Variants in MKLN1 observed in about 807,000 individuals in gnomAD.
The protein encoded by MKLN1 is muskelin.
MKLN1 carries 18 observed loss-of-function variants against 99.0 expected under a neutral mutation model. The observed-to-expected ratio is 0.18, with a 90% CI of 0.13 to 0.27. MKLN1 has a LOEUF of 0.27. MKLN1 is among the 10% of genes least tolerant of loss of function. The pLI is 1.00. For missense variants in MKLN1, 621 were observed against 875.9 expected (o/e 0.71, Z 3.67); for synonymous variants, 288 against 293.2 (o/e 0.98, Z 0.18).
chr7:131,354,014 T>C (rs1436473692), intron 1 of MKLN1, among the ~76,000 whole-genome samples: 1 of 152,000 alleles, frequency 6.6e-6, no homozygotes, highest in Non-Finnish European at 1.5e-5. Flanking sequence ...TTATACTTTA[T>C]TGATTATGCA....
chr7:131,195,145 C>A (rs1796622477), intron 2 of MKLN1, among the ~76,000 whole-genome samples: 1 of 152,184 alleles, frequency 6.6e-6, no homozygotes, highest in Non-Finnish European at 1.5e-5. Flanking sequence ...GGAGATCTGG[C>A]ACCCCATTTA....
intron 2 of MKLN1, among the ~76,000 whole-genome samples, chr7:131,202,104 T>A (rs1449867008): frequency 6.7e-6 from 1 of 149,580 alleles, no homozygotes; most frequent in East Asian, 2.0e-4. Flanking sequence ...TTGCTCTAAC[T>A]AATATATCTT....
chr7:131,287,229 A>G (rs560691745), intron 3 of MKLN1, among the ~76,000 whole-genome samples: 155 of 152,378 alleles, frequency 1.0e-3, no homozygotes, highest in Non-Finnish European at 1.9e-3. Flanking sequence ...GTTATTCTCC[A>G]TCTGGCTCCT....
At position 131,350,417 on chromosome 7, in the gene MKLN1, A is replaced by T. The variant is rs1799686608; in HGVS notation, c.98+22420A>T. Among the ~76,000 whole-genome samples, 5 of 152,262 alleles carry T rather than the reference A, an allele frequency of 3.3e-5. 1 individual carries two copies. The South Asian group carries it at 1.0e-3, about 32-fold the overall frequency. On this transcript the variant is annotated intron_variant, in intron 1 of 17. Transcript: ENST00000352689. ...CAAACTTAGCAGCTTAAAACAATACACAATTTATTTTCTCAATGAGGGTCC... is the reference window on the plus strand; with the variant it reads ...CAAACTTAGCAGCTTAAAACAATACTCAATTTATTTTCTCAATGAGGGTCC...
At chr7:131,430,283 A>G (rs1795484960) in intron 9 of MKLN1, among the ~76,000 whole-genome samples, 1 of 152,026 alleles carries the variant, frequency 6.6e-6, no homozygotes, top group African/African-American at 2.4e-5. Context: ...ATGTTAATAA[A>G]AACTGTCCAG....
chr7:131,249,537 G>A (rs1219683722), intron 3 of MKLN1, among the ~76,000 whole-genome samples: 1 of 152,212 alleles, frequency 6.6e-6, no homozygotes, highest in African/African-American at 2.4e-5. Context: ...CTGGAGGCTG[G>A]TATATTCCTT....
intron 1 of MKLN1, among the ~76,000 whole-genome samples, chr7:131,371,765 C>CATATATATATATATATAT (rs149627807): frequency 3.4e-5 from 5 of 147,722 alleles, no homozygotes; most frequent in African/African-American, 1.2e-4. Context: ...ACATATATAA[C>CATATATATATATATATAT]ATATATATAT....
intron 3 of MKLN1, among the ~76,000 whole-genome samples, chr7:131,246,391 A>G (rs1035297170): frequency 6.6e-6 from 1 of 152,192 alleles, no homozygotes; most frequent in African/African-American, 2.4e-5. Flanking sequence ...GGGCCCATAA[A>G]GCTTCACCCT....
At chr7:131,352,192 G>A (rs964475183) in intron 1 of MKLN1, among the ~76,000 whole-genome samples, 3 of 152,126 alleles carry the variant, frequency 2.0e-5, no homozygotes, top group Non-Finnish European at 2.9e-5. Flanking sequence ...GTCATTATTT[G>A]TGATGCCAGA....
chr7:131,361,949 A>G (rs2116804127), intron 1 of MKLN1, among the ~76,000 whole-genome samples: 1 of 152,104 alleles, frequency 6.6e-6, no homozygotes, highest in African/African-American at 2.4e-5. Flanking sequence ...AGCTTCTCAA[A>G]TCATTTCTTC....
intron 1 of MKLN1, among the ~76,000 whole-genome samples, chr7:131,138,011 C>T (rs1476185679): frequency 6.6e-6 from 1 of 151,582 alleles, no homozygotes; most frequent in Non-Finnish European, 1.5e-5. Context: ...CCGCAACCTC[C>T]GCCTCCCGGG....
intron 1 of MKLN1, among the ~76,000 whole-genome samples, chr7:131,339,983 T>C (rs181976832): frequency 2.0e-5 from 3 of 152,276 alleles, no homozygotes; most frequent in African/African-American, 7.2e-5. Context: ...AGTTGTCTTA[T>C]ATACATAGAA....
chr7:131,118,294 C>A (rs1429233406), intron 1 of MKLN1, among the ~76,000 whole-genome samples: 1 of 152,158 alleles, frequency 6.6e-6, no homozygotes, highest in South Asian at 2.1e-4. Context: ...TGGCTCATGC[C>A]TGTAATCCCA....
intron 2 of MKLN1, among the ~76,000 whole-genome samples, chr7:131,158,728 T>C (rs749505321): frequency 2.0e-5 from 3 of 152,198 alleles, no homozygotes; most frequent in Non-Finnish European, 4.4e-5. Context: ...CATGGTAGAA[T>C]AGAAAATGGT....
intron 2 of MKLN1, among the ~76,000 whole-genome samples, chr7:131,155,789 T>G (rs78300119): frequency 4.7e-4 from 71 of 152,288 alleles, no homozygotes; most frequent in Non-Finnish European, 7.1e-4. Flanking sequence ...TACAGCTACT[T>G]TGTGAGAGTG....
At chr7:131,397,518 T>C in intron 5 of MKLN1, 142 bp downstream of exon 5, 2 of 551,286 alleles carry the variant, frequency 3.6e-6, no homozygotes, top group Non-Finnish European at 6.3e-6. Context: ...ACTTCCAGTC[T>C]GCCAGCTTTT....
At chr7:131,392,797 G>A (rs1018606709) in intron 4 of MKLN1, among the ~76,000 whole-genome samples, 1 of 151,970 alleles carries the variant, frequency 6.6e-6, no homozygotes, top group African/African-American at 2.4e-5. Flanking sequence ...TAGAGACGGG[G>A]TTTCTCCATG....
intron 1 of MKLN1, 68 bp downstream of exon 1, chr7:131,328,065 A>G (rs969242809): frequency 3.9e-6 from 6 of 1,544,750 alleles, no homozygotes; most frequent in Middle Eastern, 1.7e-4. Context: ...CCAGGGGTGC[A>G]ATGGAGGGCA....
intron 1 of MKLN1, among the ~76,000 whole-genome samples, chr7:131,138,082 C>T (rs1045103479): frequency 3.9e-5 from 6 of 152,002 alleles, no homozygotes; most frequent in African/African-American, 7.3e-5. Context: ...TGTGCCACCA[C>T]GCCCAGCTAA....
Sources: gnomAD v4.1 joint callset for allele counts (sites outside exome capture counted in the v4.1 genomes callset) on GRCh38, gnomAD v4.1.1 for gene constraint, MANE v1.5 for transcripts, NCBI Gene and HGNC (gene_info 2026-07-23, HGNC 2026-07-21) for gene names.